ZNF518B: variants seen among roughly 807,000 people sequenced by gnomAD.
The protein encoded by ZNF518B is zinc finger protein 518B.
ZNF518B carries 23 observed loss-of-function variants against 56.3 expected under a neutral mutation model. The ratio of observed to expected loss-of-function variants is 0.41; its 90% CI spans 0.29 to 0.58. ZNF518B has a LOEUF of 0.58. Among genes scored for constraint, ZNF518B ranks in the 20% least tolerant of loss-of-function variants. ZNF518B has a pLI of 0.32. For missense variants in ZNF518B, 1,460 were observed against 1,272.1 expected (o/e 1.15, Z -2.25); for synonymous variants, 529 against 465.9 (o/e 1.14, Z -1.74).
chr4:10,445,434 C>G lies in ZNF518B; in HGVS notation c.895G>C (p.Glu299Gln), dbSNP rs150071629. The change falls in exon 3 of 3, where the codon GAG (glutamate) becomes CAG (glutamine). Residue 299 changes from glutamate (E) to glutamine (Q), a missense_variant. Physicochemically the swap from Glu to Gln is conservative, Grantham distance 29 (BLOSUM62 2). Coordinates refer to ENST00000326756, the MANE Select transcript of ZNF518B (RefSeq NM_053042.3). ...VCIPNKMTLS[E>Q]PNEVNLFENK... is the part of the protein sequence containing the mutation. The stretch of plus-strand genomic sequence containing the variant: ...TCAAATAGGTTGACTTCATTTGGCT[C>G]AGACAGGGTCATTTTATTTGGAATA... 15 of 1,614,108 alleles carry G rather than the reference C, an allele frequency of 9.3e-6. No individual in the cohort carries two copies. The African/African-American group carries it at 1.2e-4, about 13-fold the overall frequency.
upstream of ZNF518B, among the ~76,000 whole-genome samples, chr4:10,460,817 C>T (rs182040827): frequency 7.9e-5 from 12 of 152,318 alleles, no homozygotes; most frequent in East Asian, 2.3e-3. Flanking sequence ...ACAAAAACAG[C>T]ACTGTCCATT....
chr4:10,449,675 ATC>A lies in ZNF518B; in HGVS notation c.-211-3138_-211-3137del, dbSNP rs551308378. Among the ~76,000 whole-genome samples the A allele has an allele frequency of 7.5e-4, 114 of 152,330 alleles. 1 individual carries two copies. In the Middle Eastern group the frequency reaches 0.031, roughly 41 times the overall value. ...TCCAAAGATTTGCATATAAGTTGAT[ATC>A]TGTTTATGCTCTGATCTACCAGTCT... On this transcript the variant is annotated intron_variant, in intron 2 of 2. Coordinates refer to ENST00000326756, the MANE Select transcript of ZNF518B (RefSeq NM_053042.3).
intron 2 of ZNF518B, chr4:10,453,060 T>C (rs910319728): frequency 2.6e-5 from 4 of 152,216 alleles, no homozygotes; most frequent in East Asian, 3.8e-4. Flanking sequence ...ACCTAGGTGT[T>C]TGGTTTACTA....
rs768202487 is a variant in ZNF518B, at chr4:10,444,929, T to C, written c.1400A>G (p.Asn467Ser). ...SETIEDFQKKNNLYPHRTAFP... is the reference protein window; with the variant it reads ...SETIEDFQKKSNLYPHRTAFP... ...AGCAGTTCTATGTGGATACAAATTA[T>C]TTTTTTTCTGAAAATCCTCAATTGT... Residue 467 changes from asparagine to serine, a missense_variant, in exon 3 of 3, where the codon AAT becomes AGT. Coordinates refer to ENST00000326756, the MANE Select transcript of ZNF518B (RefSeq NM_053042.3). 3 of 1,610,332 alleles carry C rather than the reference T, an allele frequency of 1.9e-6. No individual in the cohort carries two copies. The highest frequency in any genetic ancestry group is 1.3e-5 in the African/African-American group (1 of 74,522).
In ZNF518B at chr4:10,440,845, TAAA is replaced by T. The variant is rs540297803; in HGVS notation, c.*2256_*2258del. The T allele has an allele frequency of 2.0e-5, 3 of 152,140 alleles. No individual in the cohort carries two copies. Among genetic ancestry groups the T allele is most frequent in the Non-Finnish European group, 2.9e-5 (2 of 67,966 alleles). 9.4% of individuals were successfully genotyped at this position (152,140 alleles called of 1,614,324 possible). A position where few individuals can be genotyped will look rare whatever the true frequency, so the allele number is the denominator to read the frequency against. On this transcript the variant is annotated 3_prime_UTR_variant, in exon 3 of 3. Transcript: ENST00000326756. ...GCACTATGTGGTGAGGAATAGGAGATAAAAAAGTGGCAAACAAAACAAAACAAA... is the reference window on the plus strand; with the variant it reads ...GCACTATGTGGTGAGGAATAGGAGATAAAGTGGCAAACAAAACAAAACAAA...
At position 10,444,760 on chromosome 4, in the gene ZNF518B, G is replaced by A. The variant is rs374461766; in HGVS notation, c.1569C>T (p.Ser523=). 1.9e-5 allele frequency: 30 copies of A among 1,613,776 alleles called. No individual in the cohort carries two copies. The highest frequency in any genetic ancestry group is 1.8e-4 in the East Asian group (8 of 44,890). Residue 523 remains serine (S), a synonymous_variant, in exon 3 of 3, where the codon AGC becomes AGT. Coordinates refer to ENST00000326756, the MANE Select transcript of ZNF518B (RefSeq NM_053042.3). ...FAESGRNLHS[S]SQQLLPFAAS... ...CAGCAAATGGGAGTAACTGCTGTGAGCTACTGTGTAAATTTCTTCCACTTT... is the reference window on the plus strand; with the variant it reads ...CAGCAAATGGGAGTAACTGCTGTGAACTACTGTGTAAATTTCTTCCACTTT...
chr4:10,458,207 G>A (rs577245954), upstream of ZNF518B, among the ~76,000 whole-genome samples: 5 of 152,202 alleles, frequency 3.3e-5, no homozygotes, highest in African/African-American at 1.2e-4. Context: ...CATATTGCCA[G>A]GTCCCGCACA....
At chr4:10,460,566 G>GAA (rs1218623684), upstream of ZNF518B, among the ~76,000 whole-genome samples, 3 of 152,128 alleles carry the variant, frequency 2.0e-5, no homozygotes, top group Non-Finnish European at 4.4e-5. Flanking sequence ...GCCCTGAGGT[G>GAA]GGCGCTTTTG....
At chr4:10,455,613 G>C (rs1560176071) in intron 1 of ZNF518B, among the ~76,000 whole-genome samples, 1 of 145,600 alleles carries the variant, frequency 6.9e-6, no homozygotes, top group Non-Finnish European at 1.5e-5. Flanking sequence ...AGATCTAAAT[G>C]GATTTTTTTA....
chr4:10,460,966 C>T (rs192447887), upstream of ZNF518B, among the ~76,000 whole-genome samples: 23 of 152,316 alleles, frequency 1.5e-4, no homozygotes, highest in Non-Finnish European at 2.6e-4. Context: ...TTTTTAGTAA[C>T]TTCCTTGAGC....
chr4:10,446,786 A>G (rs1469977464), intron 2 of ZNF518B, among the ~76,000 whole-genome samples: 2 of 152,236 alleles, frequency 1.3e-5, no homozygotes, highest in Non-Finnish European at 2.9e-5. Flanking sequence ...TATACCAGGA[A>G]CAAGGACATC....
chr4:10,445,020 A>AGAG lies in ZNF518B; in HGVS notation c.1308_1309insCTC (p.Arg436_Ser437insLeu), dbSNP rs1230948522. The AGAG allele has an allele frequency of 1.1e-5, 17 of 1,614,072 alleles. No homozygotes were observed. The highest frequency in any genetic ancestry group is 1.3e-5 in the Non-Finnish European group (15 of 1,180,042). ...GAATTTGGCATAATAAAATCATAAG[A>AGAG]CCTTACCCATTTCACATTTTTAAGC... On this transcript the variant is annotated inframe_insertion, in exon 3 of 3. Coordinates refer to ENST00000326756, the MANE Select transcript of ZNF518B (RefSeq NM_053042.3).
intron 1 of ZNF518B, among the ~76,000 whole-genome samples, chr4:10,455,871 G>C (rs945259802): frequency 3.9e-5 from 6 of 152,160 alleles, no homozygotes; most frequent in African/African-American, 1.4e-4. Flanking sequence ...TTTTAAAAAA[G>C]AACTATTTGT....
chr4:10,452,955 G>C (rs1440009315), intron 2 of ZNF518B: 4 of 152,334 alleles, frequency 2.6e-5, no homozygotes, highest in South Asian at 4.1e-4. Context: ...ACAGCTGCAG[G>C]AGACAGCCTG....
chr4:10,455,940 C>T (rs1161285429), intron 1 of ZNF518B, among the ~76,000 whole-genome samples: 1 of 152,150 alleles, frequency 6.6e-6, no homozygotes, highest in Non-Finnish European at 1.5e-5. Flanking sequence ...ATTTTCTGAA[C>T]CCTTGGCTGT....
At chr4:10,461,358 A>C (rs1008284451), upstream of ZNF518B, among the ~76,000 whole-genome samples, 1 of 152,118 alleles carries the variant, frequency 6.6e-6, no homozygotes, top group Admixed American at 6.5e-5. Context: ...GCGCGCAGTG[A>C]GGCTAGTGGG....
At chr4:10,450,764 G>A (rs1053700871) in intron 2 of ZNF518B, 1 of 152,146 alleles carries the variant, frequency 6.6e-6, no homozygotes, top group African/African-American at 2.4e-5. Flanking sequence ...ATTAACAGCA[G>A]GGTCAGTGTT....
Position 10,441,464 on chromosome 4 carries a change from C to T in ZNF518B, c.*1640G>A, listed in dbSNP as rs1236155033. On this transcript the variant is annotated 3_prime_UTR_variant, in exon 3 of 3. Coordinates refer to ENST00000326756, the MANE Select transcript of ZNF518B (RefSeq NM_053042.3). ...GAAAAAAAAAAAAAAAAATCAAAGT[C>T]TCCAATCGACTACCCAATAAACAAT... is the stretch of plus-strand genomic sequence containing the variant. 2 of 146,448 alleles carry T rather than the reference C, an allele frequency of 1.4e-5. No homozygotes were observed. Among genetic ancestry groups the T allele is most frequent in the Admixed American group, 6.7e-5 (1 of 14,816 alleles). 9.1% of individuals were successfully genotyped at this position (146,448 alleles called of 1,614,324 possible).
chr4:10,450,120 G>C (rs1026273051), intron 2 of ZNF518B, among the ~76,000 whole-genome samples: 5 of 152,220 alleles, frequency 3.3e-5, no homozygotes, highest in African/African-American at 1.2e-4. Context: ...GGAAGGCAGA[G>C]TCTTGGAGAG....
Sources: gnomAD v4.1 joint callset for allele counts (sites outside exome capture counted in the v4.1 genomes callset) on GRCh38, gnomAD v4.1.1 for gene constraint, MANE v1.5 for transcripts, NCBI Gene and HGNC (gene_info 2026-07-23, HGNC 2026-07-21) for gene names.